Variants in SLC24A3 observed in about 807,000 individuals in gnomAD.
The protein encoded by SLC24A3 is sodium/potassium/calcium exchanger 3.
In SLC24A3, 28 loss-of-function variants were observed where a neutral mutation model predicts 75.8. The ratio of observed to expected loss-of-function variants is 0.37; its 90% CI spans 0.27 to 0.51. The LOEUF (loss-of-function observed/expected upper bound fraction) is 0.51, where lower values mean the gene tolerates loss of function less well. SLC24A3 is among the 20% of genes least tolerant of loss of function. The pLI, the probability that SLC24A3 is intolerant of heterozygous loss-of-function variation, is 0.94. For missense variants in SLC24A3, 663 were observed against 847.8 expected (o/e 0.78, Z 2.71); for synonymous variants, 372 against 334.1 (o/e 1.11, Z -1.24).
At chr20:19,620,014 C>T (rs1294917510) in intron 6 of SLC24A3, among the ~76,000 whole-genome samples, 2 of 152,122 alleles carry the variant, frequency 1.3e-5, no homozygotes, top group Non-Finnish European at 2.9e-5. Flanking sequence ...ACAAGACCAC[C>T]CACCTTGGCC....
chr20:19,597,881 G>A lies in SLC24A3; in HGVS notation c.612+12337G>A, dbSNP rs563078132. ...AACATGATGACGTCCAATTCCATCC[G>A]CGTTGCTGCAGATGACAGCATTTCA... On this transcript the variant is annotated intron_variant, in intron 6 of 16. Transcript: ENST00000328041. 9.9e-5 allele frequency among the ~76,000 whole-genome samples: 15 copies of A among 152,182 alleles called. No individual in the cohort carries two copies. The South Asian group carries it at 2.5e-3, about 25-fold the overall frequency.
chr20:19,238,551 G>A (rs1982235189), intron 1 of SLC24A3, among the ~76,000 whole-genome samples: 1 of 152,204 alleles, frequency 6.6e-6, no homozygotes, highest in Non-Finnish European at 1.5e-5. Context: ...TTTCCAACAT[G>A]GAGGTACCTA....
intron 2 of SLC24A3, among the ~76,000 whole-genome samples, chr20:19,325,831 G>A (rs1168976376): frequency 2.0e-5 from 2 of 100,052 alleles, no homozygotes; most frequent in Non-Finnish European, 3.6e-5. Context: ...GAGAGAGAGA[G>A]AGAGAGAGGG....
At chr20:19,271,320 T>C (rs1983323143) in intron 1 of SLC24A3, among the ~76,000 whole-genome samples, 1 of 149,476 alleles carries the variant, frequency 6.7e-6, no homozygotes, top group African/African-American at 2.5e-5. Context: ...TGGCCATAAT[T>C]AAAAAATAAA....
intron 2 of SLC24A3, among the ~76,000 whole-genome samples, chr20:19,281,345 T>C (rs1052543224): frequency 5.3e-5 from 8 of 152,180 alleles, no homozygotes; most frequent in African/African-American, 1.9e-4. Flanking sequence ...AGATCAGATG[T>C]GGAGGCTGGT....
rs367781560 is a variant in SLC24A3 at position 19,546,158 on chromosome 20, C to CAAAAAAAAAAAAAAAAAAAAA, written c.348+30604_348+30624dup. On this transcript the variant is annotated intron_variant, in intron 3 of 16. Coordinates refer to ENST00000328041, the MANE Select transcript of SLC24A3 (RefSeq NM_020689.4). The stretch of plus-strand genomic sequence containing the variant: ...TGGGCGACAGAGCGAGACTCCGTCT[C>CAAAAAAAAAAAAAAAAAAAAA]AAAAAAAAAAAAAAAAAAAAAAAAA... 3.9e-4 allele frequency among the ~76,000 whole-genome samples: 18 copies of CAAAAAAAAAAAAAAAAAAAAA among 46,750 alleles called. 3 individuals carry two copies. Among genetic ancestry groups the CAAAAAAAAAAAAAAAAAAAAA allele is most frequent in the South Asian group, 1.4e-3 (1 of 712 alleles). 30.7% of individuals were successfully genotyped at this position (46,750 alleles called of 152,430 possible). A position where few individuals can be genotyped will look rare whatever the true frequency, so the allele number is the denominator to read the frequency against.
chr20:19,456,847 C>T (rs1008322219), intron 2 of SLC24A3, among the ~76,000 whole-genome samples: 1 of 152,198 alleles, frequency 6.6e-6, no homozygotes. Context: ...AGTCACCACC[C>T]TGGGCTTATT....
intron 1 of SLC24A3, among the ~76,000 whole-genome samples, chr20:19,259,565 A>G (rs1460262322): frequency 6.6e-6 from 1 of 152,168 alleles, no homozygotes; most frequent in Non-Finnish European, 1.5e-5. Flanking sequence ...GCAGCCAGTC[A>G]TGGCCACCCC....
chr20:19,271,895 G>A (rs868673688), intron 1 of SLC24A3, among the ~76,000 whole-genome samples: 3 of 152,292 alleles, frequency 2.0e-5, no homozygotes, highest in South Asian at 4.1e-4. Flanking sequence ...CTCAGATGAT[G>A]GGTGCACCAA....
rs61083307 is a variant in SLC24A3, at chr20:19,246,627, G to A, written c.142+33643G>A. 7.0e-3 allele frequency among the ~76,000 whole-genome samples: 1,060 copies of A among 152,276 alleles called. 5 individuals are homozygous for A. The highest frequency in any genetic ancestry group is 0.017 in the East Asian group (90 of 5,188). On this transcript the variant is annotated intron_variant, in intron 1 of 16. Coordinates refer to ENST00000328041, the MANE Select transcript of SLC24A3 (RefSeq NM_020689.4). ...TGTATAACACTAAAAATTTTGATCA[G>A]TAGTTCAAAATATGTTTATTTAAAT...
At chr20:19,256,599 T>A (rs1032711834) in intron 1 of SLC24A3, among the ~76,000 whole-genome samples, 4 of 151,864 alleles carry the variant, frequency 2.6e-5, no homozygotes, top group Non-Finnish European at 4.4e-5. Context: ...TGAAACCCCA[T>A]CTTTACAAAA....
intron 3 of SLC24A3, among the ~76,000 whole-genome samples, chr20:19,559,398 G>C (rs2030838544): frequency 6.6e-6 from 1 of 152,120 alleles, no homozygotes; most frequent in African/African-American, 2.4e-5. Flanking sequence ...TTTTCTCCCA[G>C]TCTATGGCCT....
intron 2 of SLC24A3, among the ~76,000 whole-genome samples, chr20:19,452,359 G>A (rs1987499312): frequency 6.7e-6 from 1 of 150,350 alleles, no homozygotes; most frequent in Non-Finnish European, 1.5e-5. Flanking sequence ...GGTGGTCAAT[G>A]TGGGATCCTG....
intron 6 of SLC24A3, among the ~76,000 whole-genome samples, chr20:19,618,561 G>C (rs1434353827): frequency 6.6e-6 from 1 of 152,148 alleles, no homozygotes; most frequent in Admixed American, 6.5e-5. Context: ...GTGATACTAG[G>C]GGGTAAGACT....
intron 2 of SLC24A3, among the ~76,000 whole-genome samples, chr20:19,292,688 G>A (rs535256322): frequency 1.8e-3 from 272 of 152,324 alleles, no homozygotes; most frequent in African/African-American, 6.4e-3. Flanking sequence ...AGAAGCAGGT[G>A]GGAAAGGAGG....
intron 2 of SLC24A3, among the ~76,000 whole-genome samples, chr20:19,436,319 T>A (rs1171619242): frequency 1.3e-5 from 2 of 152,228 alleles, no homozygotes; most frequent in Non-Finnish European, 2.9e-5. Flanking sequence ...CCAAGTAGAA[T>A]TTCAGCTCAT....
intron 1 of SLC24A3, among the ~76,000 whole-genome samples, chr20:19,277,041 G>A (rs79372269): frequency 0.022 from 3,329 of 152,256 alleles, 139 homozygotes; most frequent in African/African-American, 0.075. Flanking sequence ...TTCACTGCTA[G>A]CCTATTATAA....
chr20:19,289,561 A>G (rs1314269985), intron 2 of SLC24A3, among the ~76,000 whole-genome samples: 1 of 152,224 alleles, frequency 6.6e-6, no homozygotes, highest in Admixed American at 6.5e-5. Flanking sequence ...TGCTGGGAAC[A>G]CCCACCTTGG....
rs3827985 is a variant in SLC24A3 at position 19,477,620 on chromosome 20, T to A, written c.272-37868T>A. Among the ~76,000 whole-genome samples the A allele has an allele frequency of 9.2e-5, 14 of 152,034 alleles. No homozygotes were observed. In the East Asian group the frequency reaches 2.7e-3, roughly 30 times the overall value. On this transcript the variant is annotated intron_variant, in intron 2 of 16. Transcript: ENST00000328041. ...CCACAGTCCTTGGATAGGCAGAGAG[T>A]TTTTGGCTTTTGGTTCAACTCTGGC...
Sources: gnomAD v4.1 joint callset for allele counts (sites outside exome capture counted in the v4.1 genomes callset) on GRCh38, gnomAD v4.1.1 for gene constraint, MANE v1.5 for transcripts, NCBI Gene and HGNC (gene_info 2026-07-23, HGNC 2026-07-21) for gene names.